ANKRD36B: variants seen among roughly 807,000 people sequenced by gnomAD.
ANKRD36B encodes the protein ankyrin repeat domain-containing protein 36B.
Under a neutral mutation model 135.7 loss-of-function variants are expected in ANKRD36B, and 37 were observed. The ratio of observed to expected loss-of-function variants is 0.27; its 90% CI spans 0.21 to 0.36. The LOEUF (loss-of-function observed/expected upper bound fraction) is 0.36, where lower values mean the gene tolerates loss of function less well. Among genes scored for constraint, ANKRD36B ranks in the 10% least tolerant of loss-of-function variants. ANKRD36B has a pLI of 1.00. For missense variants in ANKRD36B, 549 were observed against 1,037.1 expected (o/e 0.53, Z 6.46); for synonymous variants, 179 against 348.1 (o/e 0.51, Z 5.41).
rs2922565 is a variant in ANKRD36B, at chr2:97,536,319, C to A, written c.2172G>T (p.Glu724Asp). The part of the protein sequence containing the change: ...SVLNTATKMK[E>D]VQTSTPAEQD... ...GTTTACCTGGTGTGGATGTTTGTAC[C>A]TCCTTCATTTTGGTGGCTGTATTCA... is the stretch of plus-strand genomic sequence containing the variant. The change falls in exon 34 of 44, where the codon GAG (glutamate) becomes GAT (aspartate). Residue 724 changes from glutamate to aspartate, a missense_variant. Physicochemically the swap from Glu to Asp is conservative, Grantham distance 45. Coordinates refer to ENST00000359901, the MANE Select transcript of ANKRD36B (RefSeq NM_001393939.1). 2.0e-4 allele frequency: 184 copies of A among 941,986 alleles called. 30 individuals are homozygous for A. The South Asian group carries it at 2.0e-3, about 10-fold the overall frequency. 58.4% of individuals were successfully genotyped at this position (941,986 alleles called of 1,614,324 possible).
chr2:97,555,027 G>T (rs1390653164), intron 14 of ANKRD36B, 33 bp downstream of exon 14: 1 of 1,606,822 alleles, frequency 6.2e-7, no homozygotes, highest in East Asian at 2.2e-5. Context: ...TATCTGGACT[G>T]AACATGACAT....
At chr2:97,537,223 T>G (rs1489717373) in intron 32 of ANKRD36B, among the ~76,000 whole-genome samples, 1 of 96,230 alleles carries the variant, frequency 1.0e-5, no homozygotes, top group Non-Finnish European at 2.8e-5. Flanking sequence ...ATGGAATTGC[T>G]CCAGGCATTA....
chr2:97,551,722 TA>T (rs1443141303), intron 16 of ANKRD36B, among the ~76,000 whole-genome samples: 1 of 151,930 alleles, frequency 6.6e-6, no homozygotes, highest in Non-Finnish European at 1.5e-5. Context: ...CGTCGAAAAC[TA>T]AAATCAAAGG....
In ANKRD36B at chr2:97,534,873, G is replaced by C. The variant is rs2078780637; in HGVS notation, c.2191+1427C>G. The stretch of plus-strand genomic sequence containing the variant: ...AATCAGTATTATAAAAGAGAAATCT[G>C]TCCTGACATGTTTATTGCAGCACTT... On this transcript the variant is annotated intron_variant, in intron 34 of 43. Transcript: ENST00000359901. 2.1e-5 allele frequency among the ~76,000 whole-genome samples: 2 copies of C among 97,094 alleles called. 1 individual carries two copies. Among genetic ancestry groups the C allele is most frequent in the South Asian group, 4.6e-4 (2 of 4,312 alleles). 63.7% of individuals were successfully genotyped at this position (97,094 alleles called of 152,430 possible).
rs1338711472 is a variant in ANKRD36B, at chr2:97,579,697, TATG to T, written c.558-657_558-655del. On this transcript the variant is annotated intron_variant, in intron 4 of 43. Transcript: ENST00000359901. ...TATATTGTATATATTATATATTATA[TATG>T]ATGTTAGTTACATTATATTCTTACA... Among the ~76,000 whole-genome samples the T allele has an allele frequency of 2.0e-5, 3 of 147,116 alleles. No individual in the cohort carries two copies. In the East Asian group the frequency reaches 5.9e-4, roughly 29 times the overall value.
Position 97,540,378 on chromosome 2 carries a change from A to G in ANKRD36B, c.1886-149T>C, listed in dbSNP as rs746563131. On this transcript the variant is annotated intron_variant, in intron 28 of 43. Coordinates refer to ENST00000359901, the MANE Select transcript of ANKRD36B (RefSeq NM_001393939.1). ...CTACTTTGTGTCTGGGGATTGGAAC[A>G]TGACAGAAATACACTGAAAAAAAGT... The G allele has an allele frequency of 5.4e-6, 3 of 558,654 alleles. 1 individual carries two copies. The highest frequency in any genetic ancestry group is 2.5e-5 in the Admixed American group (1 of 39,910). The allele number at this position is 558,654 out of a possible 1,614,324, so 34.6% of individuals were successfully genotyped here. A position where few individuals can be genotyped will look rare whatever the true frequency, so the allele number is the denominator to read the frequency against.
Position 97,560,689 on chromosome 2 carries a change from T to C in ANKRD36B, c.841A>G (p.Lys281Glu). ...CCTGTCCCAGATATAGGTCCCTCCTTTATTTCTGTGGCTATATTTGAAACA... is the reference window on the plus strand; with the variant it reads ...CCTGTCCCAGATATAGGTCCCTCCTCTATTTCTGTGGCTATATTTGAAACA... The part of the protein sequence containing the change: ...DSVSNIATEI[K>E]EGPISGTVSS... Residue 281 changes from lysine to glutamate, a missense_variant, in exon 8 of 44, where the codon AAG becomes GAG. By Grantham distance (56) the Lys-to-Glu change is moderately conservative (BLOSUM62 1). Coordinates refer to ENST00000359901, the MANE Select transcript of ANKRD36B (RefSeq NM_001393939.1). The C allele has an allele frequency of 6.2e-7, 1 of 1,603,706 alleles. No homozygotes were observed. The highest frequency in any genetic ancestry group is 8.5e-7 in the Non-Finnish European group (1 of 1,178,400).
chr2:97,575,533 C>A (rs985452954), intron 6 of ANKRD36B, among the ~76,000 whole-genome samples: 45 of 150,246 alleles, frequency 3.0e-4, no homozygotes, highest in African/African-American at 9.3e-4. Context: ...TTCACTAAAT[C>A]ATATTAACTG....
At chr2:97,535,832 G>GA (rs2078858622) in intron 34 of ANKRD36B, among the ~76,000 whole-genome samples, 2 of 94,360 alleles carry the variant, frequency 2.1e-5, no homozygotes, top group South Asian at 4.8e-4. Context: ...TTGGGAGGGC[G>GA]AGGCGGGAGG....
chr2:97,585,504 C>T (rs1042825299), intron 1 of ANKRD36B, 106 bp from the exon 2 acceptor site: 4 of 1,443,950 alleles, frequency 2.8e-6, no homozygotes, highest in Non-Finnish European at 3.7e-6. Context: ...GAAGAAAGTA[C>T]AACATTTGTT....
rs537993111 is a variant in ANKRD36B at position 97,548,339 on chromosome 2, T to G, written c.1478-608A>C. On this transcript the variant is annotated intron_variant, in intron 20 of 43. Coordinates refer to ENST00000359901, the MANE Select transcript of ANKRD36B (RefSeq NM_001393939.1). ...CATATGGTGTAATAATCTGCCTAAGTTTCTTGTATCCACTAGTTTAGCCTT... is the reference window on the plus strand; with the variant it reads ...CATATGGTGTAATAATCTGCCTAAGGTTCTTGTATCCACTAGTTTAGCCTT... Among the ~76,000 whole-genome samples the G allele has an allele frequency of 1.2e-4, 18 of 152,056 alleles. No homozygotes were observed. The South Asian group carries it at 3.7e-3, about 32-fold the overall frequency.
intron 26 of ANKRD36B, among the ~76,000 whole-genome samples, chr2:97,543,110 T>C (rs1366444615): frequency 2.6e-5 from 4 of 152,160 alleles, no homozygotes; most frequent in Non-Finnish European, 4.4e-5. Context: ...GTAAGTCTGA[T>C]ACCTAACAGT....
At chr2:97,560,524 G>A (rs570732004) in intron 8 of ANKRD36B, 141 bp downstream of exon 8, 1 of 1,274,026 alleles carries the variant, frequency 7.8e-7, no homozygotes, top group Admixed American at 2.4e-5. Flanking sequence ...AGTCACCTGA[G>A]AACTCACTAC....
At chr2:97,573,203 G>C (rs1396410536) in intron 6 of ANKRD36B, among the ~76,000 whole-genome samples, 3 of 152,054 alleles carry the variant, frequency 2.0e-5, no homozygotes, top group Non-Finnish European at 4.4e-5. Context: ...TGAGAATGAT[G>C]GTTTCCAGCT....
chr2:97,548,724 G>GT (rs1170134189), intron 20 of ANKRD36B, among the ~76,000 whole-genome samples: 1 of 151,964 alleles, frequency 6.6e-6, no homozygotes, highest in Non-Finnish European at 1.5e-5. Context: ...AACAAAACAT[G>GT]TATCTCTGAT....
At chr2:97,554,416 A>G (rs1252462878) in intron 14 of ANKRD36B, among the ~76,000 whole-genome samples, 5 of 151,964 alleles carry the variant, frequency 3.3e-5, no homozygotes, top group South Asian at 4.1e-4. Context: ...TAATTTGTCA[A>G]TGTGGTTTAT....
intron 12 of ANKRD36B, among the ~76,000 whole-genome samples, 182 bp downstream of exon 12, chr2:97,556,755 C>T (rs1261922280): frequency 6.6e-6 from 1 of 151,874 alleles, no homozygotes; most frequent in Non-Finnish European, 1.5e-5. Context: ...AAGCTTGTTA[C>T]TAAGATCATG....
At chr2:97,565,274 G>T (rs1004455378) in intron 6 of ANKRD36B, among the ~76,000 whole-genome samples, 11 of 151,858 alleles carry the variant, frequency 7.2e-5, no homozygotes, top group Admixed American at 2.0e-4. Flanking sequence ...AGACAATTTG[G>T]TTTTCTAAAT....
At chr2:97,532,488 T>C (rs146063580) in intron 34 of ANKRD36B, 104 bp from the exon 35 acceptor site, 87,894 of 480,270 alleles carry the variant, frequency 0.18, 28,774 homozygotes, top group African/African-American at 0.64. Flanking sequence ...TTTGGGAGGC[T>C]GAGGCGGGTG....
Sources: allele counts gnomAD v4.1 joint callset (sites outside exome capture counted in the v4.1 genomes callset), GRCh38; gene constraint gnomAD v4.1.1; transcripts MANE v1.5; gene names NCBI Gene and HGNC (gene_info 2026-07-23, HGNC 2026-07-21).